Variants in HERC3 observed in about 807,000 individuals in gnomAD.
HERC3 encodes the protein HECT and RLD domain containing E3 ubiquitin protein ligase 3, also known as probable E3 ubiquitin-protein ligase HERC3.
HERC3 carries 58 observed loss-of-function variants against 129.9 expected under a neutral mutation model. The observed-to-expected ratio is 0.45, with a 90% CI of 0.36 to 0.56. The LOEUF is 0.56. Among genes scored for constraint, HERC3 ranks in the 20% least tolerant of loss-of-function variants. The pLI is 0.00. For synonymous variants in HERC3, 430 were observed against 451.0 expected, an observed-to-expected ratio of 0.95 and a Z score of 0.59; for missense variants, 835 against 1,244.2, an observed-to-expected ratio of 0.67 and a Z score of 4.95.
chr4:88,647,741 A>G (rs1283813311), intron 3 of HERC3, among the ~76,000 whole-genome samples: 1 of 152,126 alleles, frequency 6.6e-6, no homozygotes, highest in Non-Finnish European at 1.5e-5. Flanking sequence ...TGTTCAGGTT[A>G]AATAACAGTT....
chr4:88,663,298 C>T (rs192924608), intron 11 of HERC3, among the ~76,000 whole-genome samples: 44 of 152,260 alleles, frequency 2.9e-4, no homozygotes, highest in African/African-American at 9.6e-4. Context: ...GCATTAGAAA[C>T]GCCCTAGAGC....
chr4:88,678,799 A>G (rs1349288682), intron 19 of HERC3, among the ~76,000 whole-genome samples: 1 of 152,192 alleles, frequency 6.6e-6, no homozygotes, highest in African/African-American at 2.4e-5. Flanking sequence ...AAATGAACTG[A>G]TCATCTCCAT....
rs113295230 is a variant in HERC3, at chr4:88,633,964, C to A, written c.227-15876C>A. Among the ~76,000 whole-genome samples the A allele has an allele frequency of 6.3e-3, 963 of 152,150 alleles. 10 individuals carry two copies. The highest frequency in any genetic ancestry group is 0.022 in the African/African-American group (927 of 41,472). On this transcript the variant is annotated intron_variant, in intron 3 of 25. Coordinates refer to ENST00000402738, the MANE Select transcript of HERC3 (RefSeq NM_014606.3). ...TCGAGGGGGGCGGGGCCGAGATGGC[C>A]GATTGGAAGCTCCCATGGAAAAGAT...
At chr4:88,655,771 A>G in intron 8 of HERC3, 104 bp from the exon 9 acceptor site, 6 of 1,157,522 alleles carry the variant, frequency 5.2e-6, no homozygotes, top group East Asian at 2.4e-5. Context: ...AAGGCTCTAT[A>G]GGAGCACCCT....
At chr4:88,645,322 T>G (rs1463010317) in intron 3 of HERC3, among the ~76,000 whole-genome samples, 1 of 152,160 alleles carries the variant, frequency 6.6e-6, no homozygotes, top group Admixed American at 6.5e-5. Flanking sequence ...GTCTCTGTCT[T>G]GTTTTCTACT....
At position 88,649,733 on chromosome 4, in the gene HERC3, G is replaced by A. The variant is rs927809236; in HGVS notation, c.227-107G>A. 5.8e-5 allele frequency: 47 copies of A among 809,822 alleles called. No homozygotes were observed. The Admixed American group carries it at 1.2e-3, about 20-fold the overall frequency. The allele number at this position is 809,822 out of a possible 1,614,324, so 50.2% of individuals were successfully genotyped here. A position where few individuals can be genotyped will look rare whatever the true frequency, so the allele number is the denominator to read the frequency against. ...ATCTCTATAAATATTCAGATTAAGT[G>A]GTTCTTGTTAAAAAATAAAACTGCC... On this transcript the variant is annotated intron_variant, in intron 3 of 25. Coordinates refer to ENST00000402738, the MANE Select transcript of HERC3 (RefSeq NM_014606.3).
chr4:88,592,159 T>C (rs200482367), upstream of HERC3, among the ~76,000 whole-genome samples: 4 of 152,296 alleles, frequency 2.6e-5, no homozygotes, highest in East Asian at 7.7e-4. Context: ...CGCTGATCGG[T>C]CCAGCTCGCT....
chr4:88,610,074 T>A (rs1195964564), intron 3 of HERC3, among the ~76,000 whole-genome samples: 1 of 152,154 alleles, frequency 6.6e-6, no homozygotes, highest in Non-Finnish European at 1.5e-5. Flanking sequence ...GGGTTTTGGC[T>A]GGCCCCTTTA....
At chr4:88,663,253 G>A (rs1048565278) in intron 11 of HERC3, among the ~76,000 whole-genome samples, 7 of 152,254 alleles carry the variant, frequency 4.6e-5, no homozygotes, top group South Asian at 2.1e-4. Flanking sequence ...GCTACACTTT[G>A]AGGCACTTGA....
chr4:88,620,193 A>C (rs1725358450), intron 3 of HERC3, among the ~76,000 whole-genome samples: 1 of 152,238 alleles, frequency 6.6e-6, no homozygotes, highest in South Asian at 2.1e-4. Flanking sequence ...GGTTGAATAA[A>C]TATAACGGGT....
chr4:88,632,363 T>A (rs1046198016), intron 3 of HERC3, among the ~76,000 whole-genome samples: 4 of 152,224 alleles, frequency 2.6e-5, no homozygotes, highest in African/African-American at 7.2e-5. Flanking sequence ...TGTAACGTAA[T>A]ATCCAAAATG....
intron 5 of HERC3, among the ~76,000 whole-genome samples, 186 bp from the exon 6 acceptor site, chr4:88,652,683 C>A (rs1254758531): frequency 6.6e-6 from 1 of 152,172 alleles, no homozygotes; most frequent in East Asian, 1.9e-4. Flanking sequence ...ACTCAGCTTA[C>A]CTCTCTGTTA....
At chr4:88,625,513 G>T (rs1297589022) in intron 3 of HERC3, among the ~76,000 whole-genome samples, 1 of 151,936 alleles carries the variant, frequency 6.6e-6, no homozygotes, top group Admixed American at 6.6e-5. Context: ...ATTGATTTTT[G>T]TATATTGATC....
intron 3 of HERC3, among the ~76,000 whole-genome samples, chr4:88,621,820 GTA>G (rs1200416873): frequency 2.0e-5 from 3 of 152,170 alleles, no homozygotes; most frequent in Admixed American, 6.5e-5. Context: ...ACCTAAATAT[GTA>G]TAAAGTTTCT....
At chr4:88,638,745 A>G (rs568657075) in intron 3 of HERC3, among the ~76,000 whole-genome samples, 13 of 152,202 alleles carry the variant, frequency 8.5e-5, no homozygotes, top group East Asian at 1.9e-4. Flanking sequence ...GGTCAGGGCA[A>G]TCAATCAAGA....
the HERC3 span, among the ~76,000 whole-genome samples, chr4:88,563,100 C>CCCAAT: frequency 1.3e-5 from 2 of 152,186 alleles, no homozygotes; most frequent in Non-Finnish European, 2.9e-5. Flanking sequence ...GTAGTATGGA[C>CCCAAT]ATTTTAACAA....
chr4:88,565,007 A>G, the HERC3 span, among the ~76,000 whole-genome samples: 1 of 151,944 alleles, frequency 6.6e-6, no homozygotes, highest in African/African-American at 2.4e-5. Flanking sequence ...TCAGGAGCAT[A>G]TTGTTTAATT....
At chr4:88,631,272 T>C (rs963970828) in intron 3 of HERC3, among the ~76,000 whole-genome samples, 9 of 151,958 alleles carry the variant, frequency 5.9e-5, no homozygotes, top group Middle Eastern at 3.2e-3. Flanking sequence ...CTGGCCAACA[T>C]GGTGAAACCC....
At chr4:88,670,685 C>A (rs1731515663) in intron 16 of HERC3, among the ~76,000 whole-genome samples, 1 of 151,876 alleles carries the variant, frequency 6.6e-6, no homozygotes, top group South Asian at 2.1e-4. Flanking sequence ...CTTAAAAATG[C>A]TTAAGATGGT....
Sources: gnomAD v4.1 joint callset for allele counts (sites outside exome capture counted in the v4.1 genomes callset) on GRCh38, gnomAD v4.1.1 for gene constraint, MANE v1.5 for transcripts, NCBI Gene and HGNC (gene_info 2026-07-23, HGNC 2026-07-21) for gene names.